The following UBE2E3 variants were observed in gnomAD, a reference collection of about 807,000 sequenced individuals.
UBE2E3 encodes ubiquitin conjugating enzyme E2 E3, also known as ubiquitin-conjugating enzyme E2 E3.
In UBE2E3, 5 loss-of-function variants were observed where a neutral mutation model predicts 23.6. That is an observed-to-expected ratio of 0.21 (90% confidence interval 0.11 to 0.44). The LOEUF (loss-of-function observed/expected upper bound fraction) is 0.44. UBE2E3 is among the 20% of genes least tolerant of loss of function. The pLI is 0.99. For missense variants in UBE2E3, 81 were observed against 249.8 expected (o/e 0.32, Z 4.55); for synonymous variants, 78 against 87.5 (o/e 0.89, Z 0.60).
At chr2:181,030,588 TA>T (rs2105645423) in intron 3 of UBE2E3, among the ~76,000 whole-genome samples, 1 of 152,272 alleles carries the variant, frequency 6.6e-6, no homozygotes, top group Admixed American at 6.5e-5. Context: ...GAAAAAAAAT[TA>T]TTTTTTTATT....
At chr2:181,054,061 C>T (rs1686920048) in intron 3 of UBE2E3, among the ~76,000 whole-genome samples, 1 of 151,764 alleles carries the variant, frequency 6.6e-6, no homozygotes, top group South Asian at 2.1e-4. Flanking sequence ...ATTTCGTTGT[C>T]TGGAGGTACC....
At chr2:181,023,125 T>C (rs184134093) in intron 3 of UBE2E3, among the ~76,000 whole-genome samples, 1 of 152,308 alleles carries the variant, frequency 6.6e-6, no homozygotes, top group Non-Finnish European at 1.5e-5. Context: ...TGACTTACAG[T>C]GGGGCCGCGC....
intron 3 of UBE2E3, among the ~76,000 whole-genome samples, chr2:181,028,608 T>C (rs1685972814): frequency 1.3e-5 from 2 of 151,832 alleles, no homozygotes; most frequent in South Asian, 4.2e-4. Context: ...GGTATAAAAA[T>C]AGTATTTCAT....
At chr2:180,989,622 A>T (rs1179851093) in intron 3 of UBE2E3, among the ~76,000 whole-genome samples, 1 of 152,200 alleles carries the variant, frequency 6.6e-6, no homozygotes, top group Non-Finnish European at 1.5e-5. Flanking sequence ...GTGACTGGAA[A>T]CATTTTCCAA....
intron 3 of UBE2E3, among the ~76,000 whole-genome samples, chr2:180,995,818 T>G (rs1471399181): frequency 6.6e-6 from 1 of 151,948 alleles, no homozygotes; most frequent in African/African-American, 2.4e-5. Flanking sequence ...TGGTGTGCTT[T>G]TCTATCAAAA....
At chr2:181,057,405 G>A (rs1341092038) in intron 3 of UBE2E3, among the ~76,000 whole-genome samples, 3 of 151,668 alleles carry the variant, frequency 2.0e-5, no homozygotes, top group Admixed American at 6.6e-5. Context: ...TGTGTGTTTC[G>A]GGAGAGAGAG....
intron 3 of UBE2E3, among the ~76,000 whole-genome samples, chr2:181,054,236 T>C (rs548132738): frequency 2.0e-5 from 3 of 151,976 alleles, no homozygotes; most frequent in African/African-American, 7.2e-5. Context: ...CTGGATCTTA[T>C]GGTAAGATAT....
chr2:181,048,015 T>G (rs963853847), intron 3 of UBE2E3, among the ~76,000 whole-genome samples: 1 of 152,178 alleles, frequency 6.6e-6, no homozygotes, highest in African/African-American at 2.4e-5. Context: ...GCCCTGCTAC[T>G]TGTTCCTGAT....
At chr2:181,041,897 G>A (rs1686517121) in intron 3 of UBE2E3, among the ~76,000 whole-genome samples, 1 of 152,192 alleles carries the variant, frequency 6.6e-6, no homozygotes, top group East Asian at 1.9e-4. Flanking sequence ...CCATCACAAA[G>A]TGTGGAGAGT....
chr2:181,029,726 GA>G (rs1200850324), intron 3 of UBE2E3, among the ~76,000 whole-genome samples: 3 of 136,064 alleles, frequency 2.2e-5, no homozygotes, highest in Non-Finnish European at 4.7e-5. Flanking sequence ...AGTCATAATT[GA>G]GCTTCTTTTC....
At chr2:181,028,025 C>T (rs1041707923) in intron 3 of UBE2E3, among the ~76,000 whole-genome samples, 5 of 152,120 alleles carry the variant, frequency 3.3e-5, no homozygotes, top group East Asian at 1.9e-4. Flanking sequence ...TATTTCCCTT[C>T]ACCCAGATGT....
intron 4 of UBE2E3, among the ~76,000 whole-genome samples, chr2:181,058,282 G>A (rs1233101880): frequency 6.6e-6 from 1 of 151,650 alleles, no homozygotes; most frequent in East Asian, 1.9e-4. Context: ...CCAAGAAGAG[G>A]GAAACTAATA....
intron 3 of UBE2E3, among the ~76,000 whole-genome samples, chr2:181,014,400 A>C (rs779019496): frequency 6.6e-6 from 1 of 152,234 alleles, no homozygotes; most frequent in Non-Finnish European, 1.5e-5. Flanking sequence ...GGCAGTATGT[A>C]TCAATAAAGT....
At chr2:181,040,170 G>A (rs373212312) in intron 3 of UBE2E3, among the ~76,000 whole-genome samples, 5 of 152,076 alleles carry the variant, frequency 3.3e-5, no homozygotes, top group Admixed American at 6.5e-5. Flanking sequence ...ATATGTTTGC[G>A]TTCTTCTTAG....
chr2:180,993,367 C>T (rs1009227512), intron 3 of UBE2E3, among the ~76,000 whole-genome samples: 1 of 152,100 alleles, frequency 6.6e-6, no homozygotes, highest in African/African-American at 2.4e-5. Context: ...ACTAGTTATG[C>T]CATTCCAAAG....
At position 181,019,208 on chromosome 2, in the gene UBE2E3, C is replaced by T. The variant is rs190416078; in HGVS notation, c.245+35115C>T. Reference sequence around the variant, plus strand: ...TTCCTGACCTCAAGGGATCCACCTGCCTTGGCCTCCCAAAATGCTGGGATT... The same window carrying T: ...TTCCTGACCTCAAGGGATCCACCTGTCTTGGCCTCCCAAAATGCTGGGATT... On this transcript the variant is annotated intron_variant, in intron 3 of 5. Transcript: ENST00000410062. Among the ~76,000 whole-genome samples, 48 of 152,276 alleles carry T rather than the reference C, an allele frequency of 3.2e-4. No individual in the cohort carries two copies. The East Asian group carries it at 8.5e-3, about 27-fold the overall frequency.
intron 2 of UBE2E3, among the ~76,000 whole-genome samples, chr2:180,983,290 T>C (rs1684358762): frequency 6.6e-6 from 1 of 152,274 alleles, no homozygotes; most frequent in Non-Finnish European, 1.5e-5. Context: ...TATTTTTGAA[T>C]GGCAGCAGTC....
chr2:181,026,897 G>A (rs1685907680), intron 3 of UBE2E3, among the ~76,000 whole-genome samples: 1 of 151,618 alleles, frequency 6.6e-6, no homozygotes, highest in Non-Finnish European at 1.5e-5. Flanking sequence ...TAATTTCTGT[G>A]GTTATTATAA....
At chr2:181,040,321 G>A (rs1479998866) in intron 3 of UBE2E3, among the ~76,000 whole-genome samples, 1 of 152,140 alleles carries the variant, frequency 6.6e-6, no homozygotes, top group Non-Finnish European at 1.5e-5. Context: ...ACACTGTATT[G>A]CATTTAGCCT....
Sources: gnomAD v4.1 joint callset for allele counts (sites outside exome capture counted in the v4.1 genomes callset) on GRCh38, gnomAD v4.1.1 for gene constraint, MANE v1.5 for transcripts, NCBI Gene and HGNC (gene_info 2026-07-23, HGNC 2026-07-21) for gene names.